Variants in PADI1 observed in about 807,000 individuals in gnomAD.
PADI1 encodes peptidyl arginine deiminase 1, also known as protein-arginine deiminase type-1.
In PADI1, 65 loss-of-function variants were observed where a neutral mutation model predicts 74.8. That is an observed-to-expected ratio of 0.87 (90% confidence interval 0.71 to 1.07). The LOEUF is 1.07. Among genes scored for constraint, PADI1 ranks in the 50% least tolerant of loss-of-function variants. PADI1 has a pLI of 0.00. For synonymous variants in PADI1, 371 were observed against 336.2 expected, an observed-to-expected ratio of 1.10 and a Z score of -1.13; for missense variants, 943 against 854.0, an observed-to-expected ratio of 1.10 and a Z score of -1.30.
intron 1 of PADI1, among the ~76,000 whole-genome samples, chr1:17,210,953 G>T (rs960084580): frequency 6.6e-6 from 1 of 152,208 alleles, no homozygotes; most frequent in African/African-American, 2.4e-5. Context: ...CTGGCACTCG[G>T]TGATGATACG....
chr1:17,240,076 T>G, intron 14 of PADI1: 1 of 383,272 alleles, frequency 2.6e-6, no homozygotes, highest in South Asian at 3.7e-5. Context: ...AGAAGTCTGG[T>G]GAAATGCGAG....
intron 5 of PADI1, 41 bp downstream of exon 5, chr1:17,225,969 G>A: frequency 4.3e-6 from 7 of 1,611,566 alleles, no homozygotes; most frequent in Non-Finnish European, 5.9e-6. Flanking sequence ...GGGGAAGGGG[G>A]ATGGAAGTGG....
At chr1:17,223,554 C>T in intron 2 of PADI1, 67 bp from the exon 3 acceptor site, 2 of 1,311,318 alleles carry the variant, frequency 1.5e-6, no homozygotes, top group Non-Finnish European at 2.2e-6. Flanking sequence ...GGATGTGTCC[C>T]TCATCACCTC....
chr1:17,228,217 A>T (rs1222640742), intron 6 of PADI1, among the ~76,000 whole-genome samples: 1 of 152,100 alleles, frequency 6.6e-6, no homozygotes, highest in Non-Finnish European at 1.5e-5. Flanking sequence ...GTCTCAAGTG[A>T]TCCTCCCGCC....
chr1:17,205,762 G>T (rs901132090), intron 1 of PADI1, among the ~76,000 whole-genome samples: 1 of 152,172 alleles, frequency 6.6e-6, no homozygotes, highest in African/African-American at 2.4e-5. Context: ...GTCAGCCAGA[G>T]ATAACTAGAT....
chr1:17,220,011 T>C (rs1457352527), intron 1 of PADI1, among the ~76,000 whole-genome samples: 3 of 151,980 alleles, frequency 2.0e-5, no homozygotes, highest in Non-Finnish European at 4.4e-5. Flanking sequence ...GAGAGGATGA[T>C]AGTCCAGGAG....
chr1:17,238,258 T>G (rs1450680856), intron 12 of PADI1, among the ~76,000 whole-genome samples: 1 of 152,204 alleles, frequency 6.6e-6, no homozygotes, highest in Non-Finnish European at 1.5e-5. Context: ...GCCAGGCTGG[T>G]CTCAAACTCC....
intron 1 of PADI1, among the ~76,000 whole-genome samples, chr1:17,218,415 G>A (rs1437242486): frequency 6.6e-6 from 1 of 152,142 alleles, no homozygotes; most frequent in African/African-American, 2.4e-5. Flanking sequence ...GGAGTTAGGG[G>A]GTAAGGGGGA....
chr1:17,226,543 C>A (rs1427223633), intron 6 of PADI1, among the ~76,000 whole-genome samples: 4 of 152,312 alleles, frequency 2.6e-5, no homozygotes, highest in South Asian at 2.1e-4. Flanking sequence ...GCGTGAGAAC[C>A]AGTGAGGCTG....
chr1:17,217,199 G>A (rs891908715), intron 1 of PADI1, among the ~76,000 whole-genome samples: 5 of 152,228 alleles, frequency 3.3e-5, no homozygotes, highest in African/African-American at 1.2e-4. Flanking sequence ...TGTTGGGGTG[G>A]GGCGGAACCA....
At chr1:17,235,152 GGAGGGAGGGAGGA>G (rs2072598629) in intron 11 of PADI1, among the ~76,000 whole-genome samples, 1 of 144,736 alleles carries the variant, frequency 6.9e-6, no homozygotes, top group African/African-American at 2.6e-5. Flanking sequence ...AGGAAGGGAG[GGAGGGAGGGAGGA>G]AGGGAAGGAA....
intron 12 of PADI1, among the ~76,000 whole-genome samples, chr1:17,238,307 G>A (rs995246058): frequency 7.2e-5 from 11 of 152,374 alleles, no homozygotes; most frequent in Admixed American, 7.2e-4. Flanking sequence ...CTCCCAAAGT[G>A]CTGGGATTAC....
intron 8 of PADI1, among the ~76,000 whole-genome samples, chr1:17,229,352 C>G (rs951710323): frequency 2.6e-5 from 4 of 152,232 alleles, no homozygotes; most frequent in East Asian, 1.9e-4. Context: ...GCAGTGGAGC[C>G]AGGCCCTGCA....
At chr1:17,235,293 G>GGAAGGAGGGAGGGAAGGAAGGAAGGAA (rs1557479110) in intron 11 of PADI1, among the ~76,000 whole-genome samples, 1 of 62,828 alleles carries the variant, frequency 1.6e-5, no homozygotes, top group African/African-American at 5.9e-5. Flanking sequence ...GAAGGAAGGA[G>GGAAGGAGGGAGGGAAGGAAGGAAGGAA]GGAAGGAAGG....
intron 11 of PADI1, among the ~76,000 whole-genome samples, chr1:17,236,003 C>T (rs2072632491): frequency 6.6e-6 from 1 of 152,088 alleles, no homozygotes; most frequent in Non-Finnish European, 1.5e-5. Context: ...TAGATAGGAC[C>T]TGAGGTTTGA....
At chr1:17,236,668 C>A (rs1254532253) in intron 11 of PADI1, among the ~76,000 whole-genome samples, 1 of 152,018 alleles carries the variant, frequency 6.6e-6, no homozygotes, top group East Asian at 1.9e-4. Context: ...GTGGGAGGAT[C>A]ACTTGAGCAC....
chr1:17,243,635 A>G (rs1323180337), intron 15 of PADI1, among the ~76,000 whole-genome samples: 2 of 152,278 alleles, frequency 1.3e-5, no homozygotes, highest in East Asian at 1.9e-4. Flanking sequence ...GTAGGTGTGT[A>G]TATTTGTTGT....
rs1183332594 is a variant in PADI1, at chr1:17,228,938, T to G, written c.826-10T>G. The G allele has an allele frequency of 1.0e-5, 16 of 1,593,388 alleles. No homozygotes were observed. The highest frequency in any genetic ancestry group is 1.3e-5 in the Non-Finnish European group (15 of 1,166,682). ...CTGCAGGGCCCACCAAGTCCTCATTTTCCCCTCAGACCCTGCCCGAGGTGA... is the reference window on the plus strand; with the variant it reads ...CTGCAGGGCCCACCAAGTCCTCATTGTCCCCTCAGACCCTGCCCGAGGTGA... On this transcript the variant is annotated splice_polypyrimidine_tract_variant and intron_variant, in intron 7 of 15. Transcript: ENST00000375471.
intron 7 of PADI1, 59 bp from the exon 8 acceptor site, chr1:17,228,889 G>A: frequency 6.3e-7 from 1 of 1,582,518 alleles, no homozygotes; most frequent in South Asian, 1.1e-5. Context: ...GGGGCTGGGG[G>A]GGCTTGAGGC....
Sources: gnomAD v4.1 joint callset for allele counts (sites outside exome capture counted in the v4.1 genomes callset) on GRCh38, gnomAD v4.1.1 for gene constraint, MANE v1.5 for transcripts, NCBI Gene and HGNC (gene_info 2026-07-23, HGNC 2026-07-21) for gene names.